The following GOLGA4 variants were observed in gnomAD, a reference collection of about 807,000 sequenced individuals.
GOLGA4 encodes the protein golgin subfamily A member 4.
A neutral mutation model predicts 265.9 loss-of-function variants in GOLGA4; 169 were observed. That is an observed-to-expected ratio of 0.64 (90% CI 0.56 to 0.72). The LOEUF is 0.72. Among genes scored for constraint, GOLGA4 ranks in the 30% least tolerant of loss-of-function variants. The pLI, the probability that GOLGA4 is intolerant of heterozygous loss-of-function variation, is 0.00. For synonymous variants in GOLGA4, 923 were observed against 855.8 expected, an observed-to-expected ratio of 1.08 and a Z score of -1.37; for missense variants, 2,482 against 2,483.4, an observed-to-expected ratio of 1.00 and a Z score of 0.01.
rs763942657 is a variant in GOLGA4, at chr3:37,327,343, A to G, written c.5457A>G (p.Glu1819=). The change falls in exon 14 of 24, where the codon GAA becomes GAG. Residue 1819 remains glutamate, a synonymous_variant. Coordinates refer to ENST00000361924, the MANE Select transcript of GOLGA4 (RefSeq NM_002078.5). ...TAGTAGCCCAGCATGTGGAAAAAGA[A>G]GGAGGTAAAAATAACATACAGGCAA... ...SLIVAQHVEK[E]GGKNNIQAKQ... 6.2e-6 allele frequency: 10 copies of G among 1,613,852 alleles called. No individual in the cohort carries two copies. In the Admixed American group the frequency reaches 1.7e-4, roughly 27 times the overall value.
At position 37,315,569 on chromosome 3, in the gene GOLGA4, G is replaced by C. The variant is rs1336387390; in HGVS notation, c.1384G>C (p.Val462Leu). Residue 462 changes from valine to leucine, a missense_variant, in exon 11 of 24, where the codon GTG becomes CTG. Physicochemically the swap from Val to Leu is conservative, Grantham distance 32 (BLOSUM62 1). Transcript: ENST00000361924. Reference protein sequence around the residue: ...RISLQQELSRVKQEVVDVMKK... With the variant: ...RISLQQELSRLKQEVVDVMKK... ...CAGTCTTCAACAGGAATTAAGTCGG[G>C]TGAAACAGGAGGTTGTTGATGTAAT... 1.2e-6 allele frequency: 2 copies of C among 1,613,684 alleles called. No individual in the cohort carries two copies. The highest frequency in any genetic ancestry group is 1.7e-6 in the Non-Finnish European group (2 of 1,179,776).
At chr3:37,276,511 C>T (rs372321199) in intron 2 of GOLGA4, 1 of 1,608,138 alleles carries the variant, frequency 6.2e-7, no homozygotes, top group Non-Finnish European at 8.5e-7. Context: ...ATTGCACTTA[C>T]ACACAGGTAC....
intron 23 of GOLGA4, among the ~76,000 whole-genome samples, chr3:37,365,552 G>A (rs942330892): frequency 6.6e-6 from 1 of 152,112 alleles, no homozygotes; most frequent in Non-Finnish European, 1.5e-5. Context: ...ATAGGCATGA[G>A]CCACTGGGTC....
chr3:37,316,024 C>T (rs2096936649), intron 11 of GOLGA4, among the ~76,000 whole-genome samples: 1 of 152,092 alleles, frequency 6.6e-6, no homozygotes, highest in Admixed American at 6.5e-5. Flanking sequence ...ACTTAATGTT[C>T]TGATTACTCT....
At chr3:37,281,334 T>C (rs980174767) in intron 2 of GOLGA4, among the ~76,000 whole-genome samples, 3 of 152,214 alleles carry the variant, frequency 2.0e-5, no homozygotes, top group Non-Finnish European at 4.4e-5. Flanking sequence ...AGTAGACAAA[T>C]GGTAAGTAGA....
intron 3 of GOLGA4, among the ~76,000 whole-genome samples, chr3:37,284,067 T>G (rs989185299): frequency 2.0e-4 from 30 of 152,194 alleles, no homozygotes; most frequent in African/African-American, 7.0e-4. Flanking sequence ...AAAGAACTCA[T>G]AGACTTTGTC....
chr3:37,289,357 T>G, intron 5 of GOLGA4, 66 bp downstream of exon 5: 1 of 995,424 alleles, frequency 1.0e-6, no homozygotes, highest in South Asian at 1.5e-5. Context: ...AACTGTTGTA[T>G]GTGCTAGGGT....
chr3:37,351,538 T>C (rs913929078), intron 21 of GOLGA4, among the ~76,000 whole-genome samples: 2 of 152,172 alleles, frequency 1.3e-5, no homozygotes, highest in Middle Eastern at 3.2e-3. Flanking sequence ...GAGGAATCAT[T>C]ACCTATGGCC....
intron 5 of GOLGA4, among the ~76,000 whole-genome samples, chr3:37,290,733 C>T (rs937374098): frequency 6.6e-6 from 1 of 152,102 alleles, no homozygotes; most frequent in African/African-American, 2.4e-5. Context: ...CCTAGTTGGA[C>T]TGGGAATGTG....
chr3:37,337,238 TGCCCAGGCTGGA>T, intron 18 of GOLGA4, 75 bp downstream of exon 18: 1 of 814,726 alleles, frequency 1.2e-6, no homozygotes, highest in South Asian at 1.6e-5. Flanking sequence ...CCCAGGCTGT[TGCCCAGGCTGGA>T]GTGCAGTGAT....
At chr3:37,253,338 G>A (rs1211476352) in intron 2 of GOLGA4, among the ~76,000 whole-genome samples, 1 of 151,550 alleles carries the variant, frequency 6.6e-6, no homozygotes, top group Non-Finnish European at 1.5e-5. Context: ...AAACCGCATA[G>A]GGTACAGGGA....
chr3:37,267,306 A>T (rs191859944), intron 2 of GOLGA4, among the ~76,000 whole-genome samples: 1 of 152,228 alleles, frequency 6.6e-6, no homozygotes, highest in Admixed American at 6.5e-5. Flanking sequence ...GGTTAAGAAT[A>T]TTTTGAGATA....
intron 2 of GOLGA4, among the ~76,000 whole-genome samples, chr3:37,266,061 A>C: frequency 6.6e-6 from 1 of 151,688 alleles, no homozygotes. Context: ...TTAACGTTAT[A>C]ATACGGTATT....
chr3:37,349,390 A>G (rs1484099634), intron 21 of GOLGA4, among the ~76,000 whole-genome samples: 1 of 152,150 alleles, frequency 6.6e-6, no homozygotes, highest in African/African-American at 2.4e-5. Context: ...GGTGGTGTGT[A>G]TACTGGGATT....
chr3:37,341,714 GC>G (rs1559458414), intron 20 of GOLGA4: 1 of 152,006 alleles, frequency 6.6e-6, no homozygotes. Context: ...GCAGGGTCAG[GC>G]CTGGTTACTA....
intron 23 of GOLGA4, among the ~76,000 whole-genome samples, chr3:37,365,193 A>G (rs1482270968): frequency 1.3e-5 from 2 of 152,162 alleles, no homozygotes; most frequent in Non-Finnish European, 2.9e-5. Flanking sequence ...TTTTGCTATT[A>G]TGTCATGCTG....
At chr3:37,244,409 A>G (rs936579304) in intron 1 of GOLGA4, among the ~76,000 whole-genome samples, 26 of 152,218 alleles carry the variant, frequency 1.7e-4, no homozygotes, top group African/African-American at 5.8e-4. Flanking sequence ...TTTCCAGGGA[A>G]AAGGAGGCGT....
chr3:37,281,518 C>T (rs2096834554), intron 2 of GOLGA4, among the ~76,000 whole-genome samples: 1 of 152,202 alleles, frequency 6.6e-6, no homozygotes, highest in Non-Finnish European at 1.5e-5. Context: ...CAGTTACACA[C>T]TTCACATTTC....
rs371314719 is a variant in GOLGA4, at chr3:37,302,244, A to G, written c.1146A>G (p.Glu382=). 2.2e-5 allele frequency: 36 copies of G among 1,613,092 alleles called. No homozygotes were observed. Among genetic ancestry groups the G allele is most frequent in the Non-Finnish European group, 2.9e-5 (34 of 1,179,176 alleles). ...ATGAAACCCTGGAAATGAAAGAAGA[A>G]GAAATTGCTCAACTCCGTAGTCGCA... ...QMHETLEMKE[E]EIAQLRSRIK... is the part of the protein sequence containing the mutation. Residue 382 remains glutamate, a synonymous_variant, in exon 10 of 24, where the codon GAA becomes GAG. Coordinates refer to ENST00000361924, the MANE Select transcript of GOLGA4 (RefSeq NM_002078.5).
Sources: allele counts gnomAD v4.1 joint callset (sites outside exome capture counted in the v4.1 genomes callset), GRCh38; gene constraint gnomAD v4.1.1; transcripts MANE v1.5; gene names NCBI Gene and HGNC (gene_info 2026-07-23, HGNC 2026-07-21).